BRINP3: variants seen among roughly 807,000 people sequenced by gnomAD.
BRINP3 encodes the protein BMP/retinoic acid-inducible neural-specific protein 3.
BRINP3 carries 19 observed loss-of-function variants against 71.0 expected under a neutral mutation model. The observed-to-expected ratio is 0.27, with a 90% CI of 0.19 to 0.39. The LOEUF (loss-of-function observed/expected upper bound fraction) is 0.39, where lower values mean the gene tolerates loss of function less well. Ranked by LOEUF, BRINP3 falls within the 10% of genes least tolerant of loss-of-function variation. BRINP3 has a pLI of 1.00. For missense variants in BRINP3, 959 were observed against 940.8 expected (o/e 1.02, Z -0.25); for synonymous variants, 380 against 337.7 (o/e 1.13, Z -1.37).
chr1:190,147,085 T>C (rs1228665551), intron 7 of BRINP3, among the ~76,000 whole-genome samples: 2 of 152,066 alleles, frequency 1.3e-5, no homozygotes, highest in African/African-American at 4.8e-5. Flanking sequence ...ATTGGTAGGC[T>C]ATTCATTTTT....
intron 2 of BRINP3, among the ~76,000 whole-genome samples, chr1:190,301,178 T>TATATATATATATATATACATATATAC (rs1664670668): frequency 1.4e-4 from 6 of 41,446 alleles, no homozygotes; most frequent in Admixed American, 6.0e-4. Flanking sequence ...TATATATACA[T>TATATATATATATATATACATATATAC]ATATATATGT....
At chr1:190,287,316 T>G (rs777690681) in intron 2 of BRINP3, among the ~76,000 whole-genome samples, 9 of 152,128 alleles carry the variant, frequency 5.9e-5, no homozygotes, top group Non-Finnish European at 7.4e-5. Flanking sequence ...GGAAAATGTT[T>G]TAAATGGCCT....
chr1:190,113,757 T>A (rs552389076), intron 7 of BRINP3, among the ~76,000 whole-genome samples: 8 of 152,290 alleles, frequency 5.3e-5, no homozygotes, highest in Admixed American at 5.2e-4. Flanking sequence ...ATTGCAAACA[T>A]GACAGAACAA....
chr1:190,460,935 T>C (rs1377855178), intron 1 of BRINP3, among the ~76,000 whole-genome samples: 1 of 152,174 alleles, frequency 6.6e-6, no homozygotes, highest in Non-Finnish European at 1.5e-5. Context: ...GCTCATAGTA[T>C]ACGCTCAACA....
At chr1:190,187,130 G>A (rs766330081) in intron 6 of BRINP3, among the ~76,000 whole-genome samples, 9 of 152,112 alleles carry the variant, frequency 5.9e-5, no homozygotes, top group Non-Finnish European at 8.8e-5. Flanking sequence ...GATCAGTGAT[G>A]TTGACCATTT....
At chr1:190,287,643 C>T (rs1571638003) in intron 2 of BRINP3, among the ~76,000 whole-genome samples, 1 of 151,986 alleles carries the variant, frequency 6.6e-6, no homozygotes, top group East Asian at 1.9e-4. Flanking sequence ...AAAAAGCTGC[C>T]AAACTCAAAG....
chr1:190,230,841 CTAAA>C (rs1438534732), intron 5 of BRINP3, among the ~76,000 whole-genome samples: 2 of 151,440 alleles, frequency 1.3e-5, no homozygotes, highest in African/African-American at 2.4e-5. Context: ...TCGACTATCC[CTAAA>C]TATTTTTATT....
At chr1:190,256,580 A>G (rs947144065) in intron 4 of BRINP3, among the ~76,000 whole-genome samples, 1 of 152,122 alleles carries the variant, frequency 6.6e-6, no homozygotes, top group Non-Finnish European at 1.5e-5. Flanking sequence ...TCTTCCTAGC[A>G]TCGATGGTCT....
At chr1:190,119,276 A>G (rs200467435) in intron 7 of BRINP3, among the ~76,000 whole-genome samples, 1 of 28,726 alleles carries the variant, frequency 3.5e-5, no homozygotes, top group African/African-American at 3.5e-4. Flanking sequence ...TTTTTATTTT[A>G]TTATTATTAT....
At chr1:190,125,350 A>C (rs962819691) in intron 7 of BRINP3, among the ~76,000 whole-genome samples, 2 of 151,324 alleles carry the variant, frequency 1.3e-5, no homozygotes, top group Non-Finnish European at 2.9e-5. Context: ...CATATATTAT[A>C]TATATACATA....
chr1:190,358,800 G>A (rs898877184), intron 2 of BRINP3, among the ~76,000 whole-genome samples: 2 of 152,102 alleles, frequency 1.3e-5, no homozygotes, highest in Admixed American at 6.6e-5. Context: ...AGAAAATGTG[G>A]CACATATACA....
At chr1:190,141,474 T>C (rs911080113) in intron 7 of BRINP3, among the ~76,000 whole-genome samples, 1 of 151,768 alleles carries the variant, frequency 6.6e-6, no homozygotes, top group Non-Finnish European at 1.5e-5. Flanking sequence ...TTTATAACTG[T>C]ATAACCTTTA....
intron 1 of BRINP3, among the ~76,000 whole-genome samples, chr1:190,473,145 AAT>A (rs1240837622): frequency 6.6e-6 from 1 of 151,886 alleles, no homozygotes; most frequent in African/African-American, 2.4e-5. Context: ...CATGTATACA[AAT>A]ATATATGTAT....
At chr1:190,182,929 A>G (rs1223601511) in intron 6 of BRINP3, among the ~76,000 whole-genome samples, 1 of 152,094 alleles carries the variant, frequency 6.6e-6, no homozygotes, top group Non-Finnish European at 1.5e-5. Flanking sequence ...GTAATTACTT[A>G]TAACTGTAAG....
At chr1:190,205,247 A>G (rs921109466) in intron 6 of BRINP3, among the ~76,000 whole-genome samples, 3 of 151,078 alleles carry the variant, frequency 2.0e-5, no homozygotes, top group African/African-American at 7.3e-5. Context: ...TGAGGTCATT[A>G]GATGTATGCA....
chr1:190,439,336 T>G (rs987586692), intron 2 of BRINP3, among the ~76,000 whole-genome samples: 1 of 151,910 alleles, frequency 6.6e-6, no homozygotes, highest in Non-Finnish European at 1.5e-5. Flanking sequence ...AATGTTTTTT[T>G]ATATAACCTC....
intron 6 of BRINP3, 97 bp from the exon 7 acceptor site, chr1:190,160,987 C>A (rs1325934878): frequency 2.6e-6 from 2 of 756,846 alleles, no homozygotes; most frequent in East Asian, 2.7e-5. Context: ...TACATATACA[C>A]ATATATGTCA....
At chr1:190,454,076 T>C (rs150215727) in intron 2 of BRINP3, among the ~76,000 whole-genome samples, 2 of 152,362 alleles carry the variant, frequency 1.3e-5, no homozygotes, top group African/African-American at 4.8e-5. Flanking sequence ...ATTTAGATTT[T>C]AAACATAGAA....
chr1:190,133,590 TTAA>T (rs1654723622), intron 7 of BRINP3, among the ~76,000 whole-genome samples: 4 of 152,126 alleles, frequency 2.6e-5, no homozygotes, highest in African/African-American at 9.6e-5. Context: ...TCTACAGCAA[TTAA>T]ACATCAAACA....
Sources: gnomAD v4.1 joint callset for allele counts (sites outside exome capture counted in the v4.1 genomes callset) on GRCh38, gnomAD v4.1.1 for gene constraint, MANE v1.5 for transcripts, NCBI Gene and HGNC (gene_info 2026-07-23, HGNC 2026-07-21) for gene names.